LONRF1: variants seen among roughly 807,000 people sequenced by gnomAD.
LONRF1 encodes the protein LON peptidase N-terminal domain and RING finger protein 1.
A neutral mutation model predicts 85.8 loss-of-function variants in LONRF1; 37 were observed. The ratio of observed to expected loss-of-function variants is 0.43; its 90% CI spans 0.33 to 0.57. The LOEUF (loss-of-function observed/expected upper bound fraction) is 0.57, where lower values mean the gene tolerates loss of function less well. LONRF1 is among the 20% of genes least tolerant of loss of function. The probability of loss-of-function intolerance (pLI) is 0.04; values close to 1 mark genes in which losing one functional copy is unlikely to be tolerated. For synonymous variants in LONRF1, 517 were observed against 390.1 expected (o/e 1.33, Z -3.83); for missense variants, 1,036 against 978.0 (o/e 1.06, Z -0.79).
At chr8:12,751,296 G>GTTT (rs869038024) in intron 1 of LONRF1, among the ~76,000 whole-genome samples, 2,654 of 69,470 alleles carry the variant, frequency 0.038, 185 homozygotes, top group South Asian at 0.11. Flanking sequence ...TTATTTTTAT[G>GTTT]TTTTTTTTTT....
chr8:12,736,197 G>C (rs1316796285), intron 6 of LONRF1, among the ~76,000 whole-genome samples: 1 of 152,018 alleles, frequency 6.6e-6, no homozygotes, highest in Non-Finnish European at 1.5e-5. Flanking sequence ...ATGTAAATGA[G>C]AAATGTTATT....
chr8:12,725,430 C>T (rs1338695157), intron 11 of LONRF1, among the ~76,000 whole-genome samples: 1 of 152,146 alleles, frequency 6.6e-6, no homozygotes, highest in Non-Finnish European at 1.5e-5. Flanking sequence ...AGTAACATCC[C>T]GTTTTTAATT....
chr8:12,723,907 A>T (rs904099276), intron 11 of LONRF1, among the ~76,000 whole-genome samples: 5 of 152,240 alleles, frequency 3.3e-5, no homozygotes, highest in African/African-American at 1.2e-4. Flanking sequence ...GGTCCTGGTA[A>T]TGCTGTGAGG....
Position 12,729,261 on chromosome 8 carries a change from A to C in LONRF1, c.1760T>G (p.Phe587Cys). The C allele has an allele frequency of 6.2e-7, 1 of 1,613,982 alleles. No individual in the cohort carries two copies. Among genetic ancestry groups the C allele is most frequent in the Non-Finnish European group, 8.5e-7 (1 of 1,179,882 alleles). Reference protein sequence around the residue: ...YPTVPCPLHVFEPRYRLMIRR... With the variant: ...YPTVPCPLHVCEPRYRLMIRR... ...AATCATCAATCTGTATCTTGGCTCA[A>C]ATACATGGAGAGGGCAAGGCACAGT... The change falls in exon 9 of 12, where the codon TTT (phenylalanine) becomes TGT (cysteine). Residue 587 changes from phenylalanine (F) to cysteine (C), a missense_variant. Coordinates refer to ENST00000398246, the MANE Select transcript of LONRF1 (RefSeq NM_152271.5).
At chr8:12,745,214 G>C (rs1799098580) in intron 1 of LONRF1, among the ~76,000 whole-genome samples, 1 of 151,090 alleles carries the variant, frequency 6.6e-6, no homozygotes, top group Admixed American at 6.6e-5. Flanking sequence ...CACGCCCTAA[G>C]TAGAGATAAA....
intron 11 of LONRF1, among the ~76,000 whole-genome samples, chr8:12,725,065 CT>C (rs1798235500): frequency 1.3e-5 from 2 of 152,214 alleles, no homozygotes; most frequent in South Asian, 2.1e-4. Context: ...AAACGTAGTG[CT>C]TTAGTAAGTC....
chr8:12,738,648 ACT>A (rs1798813909), intron 3 of LONRF1: 1 of 152,232 alleles, frequency 6.6e-6, no homozygotes, highest in Non-Finnish European at 1.5e-5. Flanking sequence ...GTGGGCAGTT[ACT>A]GCTGCCCAAT....
intron 10 of LONRF1, 150 bp downstream of exon 10, chr8:12,728,751 G>A (rs953912073): frequency 2.0e-5 from 16 of 788,680 alleles, no homozygotes; most frequent in African/African-American, 1.0e-4. Context: ...AGCAAGATAC[G>A]AAAAAGGTAA....
chr8:12,750,851 C>G (rs1320588413), intron 1 of LONRF1, among the ~76,000 whole-genome samples: 1 of 152,150 alleles, frequency 6.6e-6, no homozygotes, highest in African/African-American at 2.4e-5. Context: ...GTTTAGATTC[C>G]ACTTTCAGCA....
chr8:12,726,088 C>G (rs1798286495), intron 10 of LONRF1: 1 of 449,756 alleles, frequency 2.2e-6, no homozygotes, highest in Admixed American at 3.5e-5. Flanking sequence ...CAAGGCCTGA[C>G]CTATGCCTAA....
At chr8:12,739,588 G>T (rs759604966) in intron 3 of LONRF1, among the ~76,000 whole-genome samples, 5 of 152,094 alleles carry the variant, frequency 3.3e-5, no homozygotes, top group African/African-American at 1.2e-4. Flanking sequence ...AAAACTCACT[G>T]ACGTGTAAAA....
In LONRF1 at chr8:12,755,183, G is replaced by T; in HGVS notation, c.238C>A (p.Pro80Thr). The T allele has an allele frequency of 7.5e-7, 1 of 1,329,970 alleles. No homozygotes were observed. Among genetic ancestry groups the T allele is most frequent in the East Asian group, 3.2e-5 (1 of 31,422 alleles). The allele number at this position is 1,329,970 out of a possible 1,614,324, so 82.4% of individuals were successfully genotyped here. A position where few individuals can be genotyped will look rare whatever the true frequency, so the allele number is the denominator to read the frequency against. ...AFAAALRRGA[P>T]ARPECLGALV... ...GCGCCCAGGCACTCGGGCCTGGCCG[G>T]GGCCCCGCGGCGCAGCGCCGCCGCG... The change falls in exon 1 of 12, where the codon CCG becomes ACG. Residue 80 changes from proline to threonine, a missense_variant. Physicochemically the swap from Pro to Thr is conservative, Grantham distance 38. Transcript: ENST00000398246.
At position 12,728,807 on chromosome 8, in the gene LONRF1, C is replaced by T. The variant is rs1200952155; in HGVS notation, c.2010+94G>A. 4.3e-6 allele frequency: 6 copies of T among 1,390,340 alleles called. No individual in the cohort carries two copies. In the Admixed American group the frequency reaches 1.1e-4, roughly 26 times the overall value. 86.1% of individuals were successfully genotyped at this position (1,390,340 alleles called of 1,614,324 possible). ...CAGTGGTAAGGCTGTCTGATAAGAA[C>T]TGGTTCATGCACCTAGAAAATAGCC... On this transcript the variant is annotated intron_variant, in intron 10 of 11. Coordinates refer to ENST00000398246, the MANE Select transcript of LONRF1 (RefSeq NM_152271.5).
intron 11 of LONRF1, among the ~76,000 whole-genome samples, 179 bp from the exon 12 acceptor site, chr8:12,723,433 T>C (rs1196511350): frequency 1.3e-5 from 2 of 152,214 alleles, no homozygotes; most frequent in African/African-American, 2.4e-5. Context: ...AGCAATGTAA[T>C]GCAAATTGTC....
At chr8:12,751,493 CG>C (rs1799402767) in intron 1 of LONRF1, among the ~76,000 whole-genome samples, 1 of 150,708 alleles carries the variant, frequency 6.6e-6, no homozygotes, top group Non-Finnish European at 1.5e-5. Flanking sequence ...CTAGTAGATA[CG>C]GGGTTTCACC....
At chr8:12,752,058 AGAT>A (rs1429528680) in intron 1 of LONRF1, among the ~76,000 whole-genome samples, 18 of 152,238 alleles carry the variant, frequency 1.2e-4, no homozygotes, top group African/African-American at 4.3e-4. Flanking sequence ...CTGCTGGCAG[AGAT>A]AAGTTTGGAT....
At chr8:12,723,514 C>A (rs772083431) in intron 11 of LONRF1, among the ~76,000 whole-genome samples, 36 of 152,338 alleles carry the variant, frequency 2.4e-4, no homozygotes, top group Middle Eastern at 6.8e-3. Context: ...AGTCAACACA[C>A]GCTCTTTCCT....
At chr8:12,753,530 G>A (rs1183891676) in intron 1 of LONRF1, 1 of 152,172 alleles carries the variant, frequency 6.6e-6, no homozygotes, top group African/African-American at 2.4e-5. Flanking sequence ...TAGGATGTCT[G>A]AGCAGCACCC....
At chr8:12,745,104 A>T (rs1208046676) in intron 1 of LONRF1, among the ~76,000 whole-genome samples, 1 of 152,134 alleles carries the variant, frequency 6.6e-6, no homozygotes, top group Non-Finnish European at 1.5e-5. Flanking sequence ...AAAAAAAGAC[A>T]TATTCCTTCC....
Sources: gnomAD v4.1 joint callset for allele counts (sites outside exome capture counted in the v4.1 genomes callset) on GRCh38, gnomAD v4.1.1 for gene constraint, MANE v1.5 for transcripts, NCBI Gene and HGNC (gene_info 2026-07-23, HGNC 2026-07-21) for gene names.